The following LTBP1 variants were observed in gnomAD, a reference collection of about 807,000 sequenced individuals.
The protein encoded by LTBP1 is latent transforming growth factor beta binding protein 1, also known as latent-transforming growth factor beta-binding protein 1.
In LTBP1, 129 loss-of-function variants were observed where a neutral mutation model predicts 207.6. That is an observed-to-expected ratio of 0.62 (90% CI 0.54 to 0.72). The LOEUF is 0.72. Ranked by LOEUF, LTBP1 falls within the 30% of genes least tolerant of loss-of-function variation. The pLI, the probability that LTBP1 is intolerant of heterozygous loss-of-function variation, is 0.00. For missense variants in LTBP1, 2,281 were observed against 2,217.2 expected (o/e 1.03, Z -0.58); for synonymous variants, 963 against 833.7 (o/e 1.16, Z -2.67).
chr2:33,376,115 ATATT>A (rs1389875949), intron 31 of LTBP1, among the ~76,000 whole-genome samples: 2 of 152,198 alleles, frequency 1.3e-5, no homozygotes, highest in African/African-American at 4.8e-5. Flanking sequence ...TTCCTCATAA[ATATT>A]TAATTAGCTC....
chr2:33,168,225 AAAAG>A (rs1302618818), intron 5 of LTBP1, among the ~76,000 whole-genome samples: 5 of 152,042 alleles, frequency 3.3e-5, no homozygotes, highest in African/African-American at 9.6e-5. Context: ...CAAAAATAAA[AAAAG>A]AAAATTAGCC....
intron 3 of LTBP1, among the ~76,000 whole-genome samples, chr2:33,022,468 G>T (rs72791762): frequency 0.098 from 14,937 of 152,024 alleles, 949 homozygotes; most frequent in Non-Finnish European, 0.15. Context: ...CTATGTGCCA[G>T]GTACTCTTTT....
chr2:33,072,093 T>C (rs377937), intron 3 of LTBP1, among the ~76,000 whole-genome samples: 98,634 of 152,082 alleles, frequency 0.65, 33,920 homozygotes, highest in South Asian at 0.78. Context: ...GACCAACCAG[T>C]GTCAAGTTGG....
intron 32 of LTBP1, among the ~76,000 whole-genome samples, chr2:33,394,743 C>A (rs1265971261): frequency 2.0e-5 from 3 of 152,146 alleles, no homozygotes; most frequent in Non-Finnish European, 4.4e-5. Context: ...TAGCATGATG[C>A]CTCCAGCTTT....
intron 32 of LTBP1, among the ~76,000 whole-genome samples, chr2:33,393,817 T>G (rs2095337073): frequency 6.6e-6 from 1 of 152,226 alleles, no homozygotes; most frequent in Admixed American, 6.5e-5. Context: ...AGTAATGGGA[T>G]GACTGGGTCA....
At chr2:33,238,430 C>G (rs1032218538) in intron 9 of LTBP1, among the ~76,000 whole-genome samples, 1 of 152,156 alleles carries the variant, frequency 6.6e-6, no homozygotes, top group Admixed American at 6.5e-5. Flanking sequence ...TTGTGCTGTT[C>G]GTAATATATT....
At chr2:33,030,894 G>A (rs975945413) in intron 3 of LTBP1, among the ~76,000 whole-genome samples, 1 of 151,968 alleles carries the variant, frequency 6.6e-6, no homozygotes, top group Non-Finnish European at 1.5e-5. Context: ...TTTTAGTGAG[G>A]TTGAACATTT....
At chr2:33,145,301 G>T (rs528113643) in intron 5 of LTBP1, among the ~76,000 whole-genome samples, 2 of 152,022 alleles carry the variant, frequency 1.3e-5, no homozygotes, top group African/African-American at 4.8e-5. Context: ...GAGAGATTTC[G>T]TTACTCTGAG....
intron 4 of LTBP1, 111 bp downstream of exon 4, chr2:33,110,862 A>G: frequency 9.5e-7 from 1 of 1,055,828 alleles, no homozygotes; most frequent in Non-Finnish European, 1.3e-6. Context: ...TTCAAGAGTC[A>G]TTAAAAAATC....
chr2:33,102,565 T>C (rs1259893751), intron 3 of LTBP1, among the ~76,000 whole-genome samples: 1 of 152,202 alleles, frequency 6.6e-6, no homozygotes, highest in Non-Finnish European at 1.5e-5. Flanking sequence ...AATTTCTCAA[T>C]CCCTTTTGTC....
chr2:33,237,853 G>A (rs1484136659), intron 9 of LTBP1, among the ~76,000 whole-genome samples: 2 of 152,162 alleles, frequency 1.3e-5, no homozygotes, highest in Admixed American at 1.3e-4. Flanking sequence ...CCTGAGGAAA[G>A]GGGAAGATAG....
chr2:33,044,059 G>T (rs2076325237), intron 3 of LTBP1, among the ~76,000 whole-genome samples: 1 of 151,312 alleles, frequency 6.6e-6, no homozygotes. Context: ...TTCTTCAAAA[G>T]CCTTTAAAAA....
chr2:33,341,838 C>T, intron 24 of LTBP1, among the ~76,000 whole-genome samples: 1 of 151,026 alleles, frequency 6.6e-6, no homozygotes. Flanking sequence ...TGAACTTGAA[C>T]TTGTCATTTT....
chr2:33,379,791 G>A (rs1274223779), intron 31 of LTBP1, among the ~76,000 whole-genome samples: 3 of 152,148 alleles, frequency 2.0e-5, no homozygotes, highest in Admixed American at 6.5e-5. Context: ...TATGTTTAGT[G>A]TTATTTTCAT....
chr2:33,184,714 C>A (rs10167324), intron 5 of LTBP1, among the ~76,000 whole-genome samples: 1 of 151,032 alleles, frequency 6.6e-6, no homozygotes, highest in East Asian at 1.9e-4. Context: ...ATCTTCTATA[C>A]CATGAGGAAT....
intron 2 of LTBP1, among the ~76,000 whole-genome samples, chr2:33,008,880 G>A (rs751792631): frequency 2.6e-5 from 4 of 152,244 alleles, no homozygotes; most frequent in Admixed American, 6.5e-5. Context: ...GACATGACAG[G>A]TGGGGACACA....
intron 3 of LTBP1, among the ~76,000 whole-genome samples, chr2:33,080,390 G>A (rs219091): frequency 0.76 from 115,793 of 152,066 alleles, 46,022 homozygotes; most frequent in East Asian, 0.98. Flanking sequence ...AAAAGGCCCT[G>A]GAGTCCTGCT....
At chr2:33,337,529 A>G (rs1442684855) in intron 24 of LTBP1, among the ~76,000 whole-genome samples, 2 of 152,234 alleles carry the variant, frequency 1.3e-5, no homozygotes, top group Non-Finnish European at 2.9e-5. Context: ...ATCAATATTT[A>G]TATCTGCCTT....
chr2:33,046,111 C>T (rs1356728065), intron 3 of LTBP1, among the ~76,000 whole-genome samples: 2 of 152,178 alleles, frequency 1.3e-5, no homozygotes, highest in Non-Finnish European at 2.9e-5. Flanking sequence ...TTCTTTCTTT[C>T]TCTTGCCTGA....
Sources: gnomAD v4.1 joint callset for allele counts (sites outside exome capture counted in the v4.1 genomes callset) on GRCh38, gnomAD v4.1.1 for gene constraint, MANE v1.5 for transcripts, NCBI Gene and HGNC (gene_info 2026-07-23, HGNC 2026-07-21) for gene names.